The following KIF20B variants were observed in gnomAD, a reference collection of about 807,000 sequenced individuals.
KIF20B encodes the protein kinesin family member 20B.
In KIF20B, 188 loss-of-function variants were observed where a neutral mutation model predicts 232.5. That is an observed-to-expected ratio of 0.81 (90% confidence interval 0.72 to 0.91). The LOEUF (loss-of-function observed/expected upper bound fraction) is 0.91. Among genes scored for constraint, KIF20B ranks in the 40% least tolerant of loss-of-function variants. The probability of loss-of-function intolerance (pLI) is 0.00; values close to 1 mark genes in which losing one functional copy is unlikely to be tolerated. For synonymous variants in KIF20B, 712 were observed against 683.0 expected (o/e 1.04, Z -0.66); for missense variants, 2,154 against 2,055.9 (o/e 1.05, Z -0.92).
At chr10:89,710,443 A>C (rs1034387844) in intron 5 of KIF20B, among the ~76,000 whole-genome samples, 1 of 152,036 alleles carries the variant, frequency 6.6e-6, no homozygotes, top group Non-Finnish European at 1.5e-5. Flanking sequence ...TGGCCAGGCT[A>C]GTCTCGAACT....
intron 1 of KIF20B, among the ~76,000 whole-genome samples, chr10:89,702,205 C>CG (rs1391093477): frequency 2.6e-5 from 4 of 152,040 alleles, no homozygotes; most frequent in African/African-American, 7.2e-5. Flanking sequence ...GGCCTTTTTG[C>CG]GGGGGGAGCC....
chr10:89,767,483 T>A (rs1842387027), intron 29 of KIF20B, among the ~76,000 whole-genome samples: 1 of 152,046 alleles, frequency 6.6e-6, no homozygotes, highest in Non-Finnish European at 1.5e-5. Flanking sequence ...TGTCTGCTTC[T>A]TATGACCCTT....
At chr10:89,747,534 C>T (rs1350019570) in intron 23 of KIF20B, among the ~76,000 whole-genome samples, 2 of 150,606 alleles carry the variant, frequency 1.3e-5, no homozygotes, top group African/African-American at 4.9e-5. Flanking sequence ...GGCACATATA[C>T]ACCATGGAAT....
At chr10:89,758,975 A>G (rs1445505398) in intron 27 of KIF20B, 93 bp downstream of exon 27, 1 of 700,506 alleles carries the variant, frequency 1.4e-6, no homozygotes, top group Non-Finnish European at 2.1e-6. Context: ...AAGTCTCAAT[A>G]GACCAAAAAG....
chr10:89,722,528 G>C (rs1317124012), intron 13 of KIF20B, among the ~76,000 whole-genome samples: 1 of 152,126 alleles, frequency 6.6e-6, no homozygotes, highest in African/African-American at 2.4e-5. Context: ...AATTAGCCAG[G>C]CGTGGTTTCT....
chr10:89,727,212 G>A (rs75611723), intron 16 of KIF20B, among the ~76,000 whole-genome samples: 4,140 of 151,548 alleles, frequency 0.027, 194 homozygotes, highest in African/African-American at 0.094. Flanking sequence ...TTAGTTTGAT[G>A]CTTCATTCTA....
Position 89,758,608 on chromosome 10 carries a change from C to T in KIF20B, c.4504-98C>T, listed in dbSNP as rs533976848. On this transcript the variant is annotated intron_variant, in intron 26 of 32. Coordinates refer to ENST00000371728, the MANE Select transcript of KIF20B (RefSeq NM_001284259.2). ...TTAATTTGTCTTGTAATCTTGTTTG[C>T]AGCTATATTTATGGTGTTACATATA... 29 of 711,790 alleles carry T rather than the reference C, an allele frequency of 4.1e-5. No homozygotes were observed. In the East Asian group the frequency reaches 9.0e-4, roughly 22 times the overall value. 44.1% of individuals were successfully genotyped at this position (711,790 alleles called of 1,614,324 possible).
intron 23 of KIF20B, among the ~76,000 whole-genome samples, chr10:89,746,449 C>T (rs1001323806): frequency 2.0e-5 from 3 of 152,188 alleles, no homozygotes; most frequent in Non-Finnish European, 4.4e-5. Context: ...AACCAAATTC[C>T]GTGTCATCTC....
chr10:89,714,344 T>G (rs1222462418), intron 7 of KIF20B, among the ~76,000 whole-genome samples: 2 of 152,054 alleles, frequency 1.3e-5, no homozygotes, highest in African/African-American at 4.8e-5. Context: ...CTGGGCGTGG[T>G]GGCGCGGGCC....
At chr10:89,740,197 T>A (rs901528616) in intron 21 of KIF20B, among the ~76,000 whole-genome samples, 2 of 151,630 alleles carry the variant, frequency 1.3e-5, no homozygotes, top group Non-Finnish European at 2.9e-5. Flanking sequence ...CAGTTTCTGC[T>A]CTGTTGAAGT....
At chr10:89,742,076 A>G (rs933788131) in intron 21 of KIF20B, among the ~76,000 whole-genome samples, 1 of 152,192 alleles carries the variant, frequency 6.6e-6, no homozygotes, top group African/African-American at 2.4e-5. Context: ...TTGTAATCTG[A>G]GGTTGCTAAG....
At chr10:89,760,310 T>A (rs1010750321) in intron 27 of KIF20B, among the ~76,000 whole-genome samples, 3 of 152,136 alleles carry the variant, frequency 2.0e-5, no homozygotes, top group Non-Finnish European at 4.4e-5. Context: ...TCTCCTTAGA[T>A]CAGAGTCAAT....
At chr10:89,707,038 T>C (rs1334420229) in intron 2 of KIF20B, among the ~76,000 whole-genome samples, 1 of 152,174 alleles carries the variant, frequency 6.6e-6, no homozygotes, top group Non-Finnish European at 1.5e-5. Context: ...ATGAACACAG[T>C]ATTCTTCATT....
At position 89,738,496 on chromosome 10, in the gene KIF20B, A is replaced by C; in HGVS notation, c.3655A>C (p.Asn1219His). Residue 1219 changes from asparagine to histidine, a missense_variant, in exon 20 of 33, where the codon AAT becomes CAT. Asn to His is a moderately conservative substitution (Grantham distance 68, BLOSUM62 1). Coordinates refer to ENST00000371728, the MANE Select transcript of KIF20B (RefSeq NM_001284259.2). ...QDSVKNTKDL[N>H]VKELKLKEEI... Reference sequence around the variant, plus strand: ...TTCTGTCAAAAACACCAAAGATTTAAATGTAAAGGAACTCAAGCTGAAAGA... The same window carrying C: ...TTCTGTCAAAAACACCAAAGATTTACATGTAAAGGAACTCAAGCTGAAAGA... 6.2e-7 allele frequency: 1 copy of C among 1,606,726 alleles called. No individual in the cohort carries two copies. Among genetic ancestry groups the C allele is most frequent in the Non-Finnish European group, 8.5e-7 (1 of 1,177,072 alleles).
chr10:89,727,987 A>G (rs192197361), intron 17 of KIF20B, 91 bp downstream of exon 17: 85 of 1,163,854 alleles, frequency 7.3e-5, no homozygotes, highest in Middle Eastern at 4.2e-4. Flanking sequence ...TTAAAAAATA[A>G]TTAAACAGTA....
intron 5 of KIF20B, 124 bp downstream of exon 5, chr10:89,710,189 G>T: frequency 3.7e-5 from 25 of 680,602 alleles, no homozygotes; most frequent in Non-Finnish European, 4.8e-5. Flanking sequence ...ATTTTTAATA[G>T]TACTAGCATA....
Position 89,718,698 on chromosome 10 carries a change from T to C in KIF20B, c.1272-12T>C. The C allele has an allele frequency of 6.3e-7, 1 of 1,599,870 alleles. No homozygotes were observed. Among genetic ancestry groups the C allele is most frequent in the Non-Finnish European group, 8.5e-7 (1 of 1,175,070 alleles). On this transcript the variant is annotated splice_polypyrimidine_tract_variant and intron_variant, in intron 11 of 32. Transcript: ENST00000371728. ...TTTAACTTACAATGTTTTCTGAAAA[T>C]TTTTTCTGTAGGTTTCAACAGCATG... is the stretch of plus-strand genomic sequence containing the variant.
At chr10:89,753,316 T>C (rs1167356163) in intron 25 of KIF20B, among the ~76,000 whole-genome samples, 1 of 152,222 alleles carries the variant, frequency 6.6e-6, no homozygotes, top group Non-Finnish European at 1.5e-5. Context: ...GGAGATTGTC[T>C]GCCTCTAAAT....
chr10:89,714,166 T>A, intron 7 of KIF20B, 83 bp downstream of exon 7: 2 of 769,674 alleles, frequency 2.6e-6, no homozygotes, highest in Non-Finnish European at 3.9e-6. Flanking sequence ...AAATCACTTC[T>A]AATGTTTTAT....
Sources: gnomAD v4.1 joint callset for allele counts (sites outside exome capture counted in the v4.1 genomes callset) on GRCh38, gnomAD v4.1.1 for gene constraint, MANE v1.5 for transcripts, NCBI Gene and HGNC (gene_info 2026-07-23, HGNC 2026-07-21) for gene names.